Variants in GRM8 observed in about 807,000 individuals in gnomAD.
GRM8 encodes the protein glutamate metabotropic receptor 8.
In GRM8, 47 loss-of-function variants were observed where a neutral mutation model predicts 87.2. That is an observed-to-expected ratio of 0.54 (90% CI 0.43 to 0.69). The LOEUF is 0.69. Among genes scored for constraint, GRM8 ranks in the 30% least tolerant of loss-of-function variants. The pLI, the probability that GRM8 is intolerant of heterozygous loss-of-function variation, is 0.00. For missense variants in GRM8, 1,019 were observed against 1,139.2 expected (o/e 0.89, Z 1.52); for synonymous variants, 396 against 404.5 (o/e 0.98, Z 0.25).
intron 9 of GRM8, among the ~76,000 whole-genome samples, chr7:126,460,992 C>T (rs914794404): frequency 3.3e-5 from 5 of 151,516 alleles, no homozygotes; most frequent in Non-Finnish European, 5.9e-5. Flanking sequence ...CAGACATCAT[C>T]TGAAATATCC....
intron 3 of GRM8, among the ~76,000 whole-genome samples, chr7:126,921,019 C>T (rs539146126): frequency 1.3e-5 from 2 of 152,274 alleles, no homozygotes; most frequent in African/African-American, 2.4e-5. Context: ...CTCACAAACA[C>T]CATGTCAGCA....
At position 127,223,510 on chromosome 7, in the gene GRM8, A is replaced by C. The variant is rs527513364; in HGVS notation, c.510+19185T>G. On this transcript the variant is annotated intron_variant, in intron 2 of 10. Transcript: ENST00000339582. ...ACAAAACTGTGGACCCACCCATACA[A>C]GCAAAGACCTAGTGGGGAACCTAGA... 3.3e-5 allele frequency among the ~76,000 whole-genome samples: 5 copies of C among 150,046 alleles called. No homozygotes were observed. The East Asian group carries it at 7.9e-4, about 24-fold the overall frequency.
intron 2 of GRM8, among the ~76,000 whole-genome samples, chr7:127,167,560 T>C (rs1461149080): frequency 2.0e-5 from 3 of 152,178 alleles, no homozygotes; most frequent in African/African-American, 7.2e-5. Flanking sequence ...TTGATCATCC[T>C]TGCAATGTTT....
At chr7:127,047,160 C>T (rs1448957799) in intron 3 of GRM8, among the ~76,000 whole-genome samples, 1 of 152,162 alleles carries the variant, frequency 6.6e-6, no homozygotes, top group Non-Finnish European at 1.5e-5. Flanking sequence ...TATTGGAAAA[C>T]AGCCACACCC....
At position 126,777,409 on chromosome 7, in the gene GRM8, T is replaced by C. The variant is rs754162602; in HGVS notation, c.1157-7344A>G. On this transcript the variant is annotated intron_variant, in intron 6 of 10. Transcript: ENST00000339582. Reference sequence around the variant, plus strand: ...AATGGCAGTAAACGGCAATTTAAAATCAGGTCTACGTGACTCAAAACCTCT... The same window carrying C: ...AATGGCAGTAAACGGCAATTTAAAACCAGGTCTACGTGACTCAAAACCTCT... Among the ~76,000 whole-genome samples, 13 of 152,124 alleles carry C rather than the reference T, an allele frequency of 8.5e-5. No homozygotes were observed. In the South Asian group the frequency reaches 1.2e-3, roughly 15 times the overall value.
chr7:126,486,018 C>T (rs534840851), intron 9 of GRM8, among the ~76,000 whole-genome samples: 1 of 152,108 alleles, frequency 6.6e-6, no homozygotes, highest in African/African-American at 2.4e-5. Flanking sequence ...TTATAACTGC[C>T]ACAAGGTTTT....
intron 3 of GRM8, among the ~76,000 whole-genome samples, chr7:126,971,430 C>T (rs952224928): frequency 4.6e-5 from 7 of 152,088 alleles, no homozygotes; most frequent in South Asian, 2.1e-4. Flanking sequence ...ATTTTATGTT[C>T]GTCAGTGTTT....
At chr7:127,005,422 T>A (rs1473518050) in intron 3 of GRM8, among the ~76,000 whole-genome samples, 1 of 151,678 alleles carries the variant, frequency 6.6e-6, no homozygotes, top group East Asian at 1.9e-4. Context: ...TGTGTCTTTT[T>A]AGGGTAGAAG....
At chr7:126,946,122 G>A (rs971324350) in intron 3 of GRM8, among the ~76,000 whole-genome samples, 6 of 152,208 alleles carry the variant, frequency 3.9e-5, no homozygotes, top group Admixed American at 6.5e-5. Flanking sequence ...AAATGTTGAT[G>A]TGCCAACTAC....
At chr7:126,614,686 G>T (rs1247071053) in intron 7 of GRM8, among the ~76,000 whole-genome samples, 1 of 152,222 alleles carries the variant, frequency 6.6e-6, no homozygotes, top group African/African-American at 2.4e-5. Context: ...TAAATGACCT[G>T]ATGGAGCTGA....
intron 3 of GRM8, among the ~76,000 whole-genome samples, chr7:126,929,537 G>A (rs1443644369): frequency 1.3e-5 from 2 of 152,092 alleles, no homozygotes; most frequent in East Asian, 1.9e-4. Context: ...GGGGTCAAGC[G>A]ATTCTCCTGC....
At chr7:126,462,859 T>C (rs1804044346) in intron 9 of GRM8, among the ~76,000 whole-genome samples, 1 of 151,420 alleles carries the variant, frequency 6.6e-6, no homozygotes, top group Non-Finnish European at 1.5e-5. Context: ...AATGTAGCAT[T>C]TTACCAAGAT....
intron 7 of GRM8, among the ~76,000 whole-genome samples, chr7:126,768,240 A>G (rs1447659074): frequency 2.0e-5 from 3 of 151,398 alleles, no homozygotes; most frequent in Non-Finnish European, 4.4e-5. Flanking sequence ...TTAATACCTA[A>G]GTTCTCCAGG....
chr7:126,789,216 T>A (rs1163624097), intron 6 of GRM8, among the ~76,000 whole-genome samples: 2 of 152,048 alleles, frequency 1.3e-5, no homozygotes, highest in East Asian at 3.9e-4. Context: ...GATACACTAA[T>A]AATGTTCAAA....
chr7:127,111,502 C>T (rs1171197044), intron 2 of GRM8, among the ~76,000 whole-genome samples: 6 of 152,042 alleles, frequency 3.9e-5, no homozygotes, highest in Admixed American at 3.9e-4. Flanking sequence ...AGAAGGCATG[C>T]CTTTTTCATG....
chr7:126,481,656 C>T lies in GRM8; in HGVS notation c.2431-35284G>A, dbSNP rs553980200. Among the ~76,000 whole-genome samples, 18 of 151,926 alleles carry T rather than the reference C, an allele frequency of 1.2e-4. No homozygotes were observed. In the East Asian group the frequency reaches 3.3e-3, roughly 28 times the overall value. On this transcript the variant is annotated intron_variant, in intron 9 of 10. Transcript: ENST00000339582. ...TCAAGTTTATTAAATTTGAAGAAAGCCTGAGGAACTGTCACAGATTGAAAA... is the reference window on the plus strand; with the variant it reads ...TCAAGTTTATTAAATTTGAAGAAAGTCTGAGGAACTGTCACAGATTGAAAA...
intron 9 of GRM8, among the ~76,000 whole-genome samples, chr7:126,466,462 G>T (rs2150536619): frequency 6.6e-6 from 1 of 151,956 alleles, no homozygotes; most frequent in South Asian, 2.1e-4. Flanking sequence ...ATTAGTCAGG[G>T]TTCTCCAAAT....
intron 7 of GRM8, among the ~76,000 whole-genome samples, chr7:126,703,727 T>A (rs1221064119): frequency 6.6e-6 from 1 of 152,144 alleles, no homozygotes; most frequent in Non-Finnish European, 1.5e-5. Flanking sequence ...ACCTGGCTAA[T>A]TTTTAAAATT....
intron 3 of GRM8, among the ~76,000 whole-genome samples, chr7:126,944,941 T>A (rs1187121069): frequency 1.3e-5 from 2 of 152,186 alleles, no homozygotes; most frequent in Non-Finnish European, 2.9e-5. Context: ...TCATTTCACA[T>A]CCACCAGGTT....
Sources: allele counts gnomAD v4.1 joint callset (sites outside exome capture counted in the v4.1 genomes callset), GRCh38; gene constraint gnomAD v4.1.1; transcripts MANE v1.5; gene names NCBI Gene and HGNC (gene_info 2026-07-23, HGNC 2026-07-21).